SATB2: variants seen among roughly 807,000 people sequenced by gnomAD.
SATB2 encodes SATB homeobox 2.
Under a neutral mutation model 73.4 loss-of-function variants are expected in SATB2, and 1 was observed. That is an observed-to-expected ratio of 0.01 (90% CI 0.00 to 0.06). The LOEUF is 0.06. Among genes scored for constraint, SATB2 ranks in the 10% least tolerant of loss-of-function variants. The probability of loss-of-function intolerance (pLI) is 1.00; values close to 1 mark genes in which losing one functional copy is unlikely to be tolerated. For missense variants in SATB2, 459 were observed against 945.8 expected (o/e 0.49, Z 6.75); for synonymous variants, 397 against 367.0 (o/e 1.08, Z -0.93).
chr2:199,298,020 C>G (rs1419330087), intron 10 of SATB2, among the ~76,000 whole-genome samples: 2 of 152,134 alleles, frequency 1.3e-5, no homozygotes, highest in African/African-American at 4.8e-5. Flanking sequence ...TACATGCAAA[C>G]AATAGAGGCC....
chr2:199,338,831 C>T (rs548562559), intron 7 of SATB2, among the ~76,000 whole-genome samples: 19 of 150,272 alleles, frequency 1.3e-4, no homozygotes, highest in Admixed American at 4.0e-4. Context: ...GTGGGAGAAT[C>T]GCTTGAACCT....
chr2:199,367,690 C>T (rs1345506615), intron 6 of SATB2, among the ~76,000 whole-genome samples: 2 of 152,100 alleles, frequency 1.3e-5, no homozygotes, highest in Non-Finnish European at 2.9e-5. Context: ...ATAAATATGT[C>T]ATACTTATGC....
At chr2:199,460,391 G>C (rs1056354219), upstream of SATB2, 2 of 152,344 alleles carry the variant, frequency 1.3e-5, no homozygotes, top group Non-Finnish European at 2.9e-5. The surrounding 1 kb of genome is among the most constrained non-coding windows in gnomAD (Gnocchi z 4.0). Context: ...TTACAACATG[G>C]GGAAAGGCGT....
At chr2:199,404,406 T>C (rs1362301939) in intron 3 of SATB2, among the ~76,000 whole-genome samples, 2 of 152,198 alleles carry the variant, frequency 1.3e-5, no homozygotes, top group Non-Finnish European at 2.9e-5. Context: ...GATTACTTAC[T>C]GTAATTAAAA....
At chr2:199,411,759 A>G (rs1690826841) in intron 3 of SATB2, among the ~76,000 whole-genome samples, 2 of 152,232 alleles carry the variant, frequency 1.3e-5, no homozygotes, top group African/African-American at 4.8e-5. Context: ...CTCACAGAAC[A>G]GGGAGAAAAG....
chr2:199,315,782 G>C (rs1403151717), intron 9 of SATB2, among the ~76,000 whole-genome samples: 3 of 152,084 alleles, frequency 2.0e-5, no homozygotes, highest in African/African-American at 7.3e-5. Flanking sequence ...GAATAAAGCT[G>C]TATATGCTCC....
At chr2:199,305,133 G>A (rs1687393337) in intron 10 of SATB2, among the ~76,000 whole-genome samples, 1 of 152,222 alleles carries the variant, frequency 6.6e-6, no homozygotes, top group Admixed American at 6.5e-5. Context: ...CCTGACAGGA[G>A]AGATGCCTCA....
At chr2:199,381,850 C>T (rs775331629) in intron 3 of SATB2, 30 bp from the exon 4 acceptor site, 4 of 1,611,858 alleles carry the variant, frequency 2.5e-6, no homozygotes, top group African/African-American at 1.3e-5. Context: ...ATAATAAACA[C>T]ATATCTGCTA....
At chr2:199,300,375 CAA>C (rs754863048) in intron 10 of SATB2, among the ~76,000 whole-genome samples, 32 of 104,600 alleles carry the variant, frequency 3.1e-4, no homozygotes, top group Non-Finnish European at 3.5e-4. Flanking sequence ...ACCAAAATGT[CAA>C]AAAAAAAAAA....
chr2:199,325,513 T>A (rs1688005158), intron 8 of SATB2: 1 of 152,210 alleles, frequency 6.6e-6, no homozygotes, highest in African/African-American at 2.4e-5. Context: ...CCATTAAAAA[T>A]TCAATTATCT....
intron 3 of SATB2, among the ~76,000 whole-genome samples, chr2:199,411,101 T>C (rs947920248): frequency 2.6e-5 from 4 of 152,068 alleles, no homozygotes; most frequent in African/African-American, 7.2e-5. Flanking sequence ...ATGTATCAAA[T>C]ACAAATCACA....
intron 9 of SATB2, among the ~76,000 whole-genome samples, chr2:199,318,774 AAATT>A (rs1263862130): frequency 3.3e-5 from 5 of 151,422 alleles, no homozygotes; most frequent in East Asian, 3.9e-4. Flanking sequence ...GCAAAAACAA[AAATT>A]AATTACTCTC....
chr2:199,402,599 A>C (rs1028947764), intron 3 of SATB2, among the ~76,000 whole-genome samples: 1 of 152,194 alleles, frequency 6.6e-6, no homozygotes, highest in Non-Finnish European at 1.5e-5. Flanking sequence ...TATCACTGAG[A>C]TCCTTGGCAT....
At chr2:199,454,953 AG>A (rs1315331033) in intron 2 of SATB2, among the ~76,000 whole-genome samples, 3 of 152,224 alleles carry the variant, frequency 2.0e-5, no homozygotes, top group Non-Finnish European at 4.4e-5. Context: ...AAAACGTTAG[AG>A]GCAAAAAAAA....
Position 199,272,688 on chromosome 2 carries a change from GA to G in SATB2, c.1741-17del, listed in dbSNP as rs777993499. ...TATGAAGTACCTGATAATTAAGAGA[GA>G]AAAAAATGAACACTGGACTCATGAT... On this transcript the variant is annotated splice_polypyrimidine_tract_variant and intron_variant, in intron 10 of 10. Coordinates refer to ENST00000417098, the MANE Select transcript of SATB2 (RefSeq NM_001172509.2). This position sits in a 1 kb window ranked among gnomAD's most constrained non-coding sequence, Gnocchi z 6.7. The G allele has an allele frequency of 1.9e-6, 3 of 1,605,350 alleles. No individual in the cohort carries two copies. The highest frequency in any genetic ancestry group is 2.7e-5 in the African/African-American group (2 of 74,690).
intron 3 of SATB2, among the ~76,000 whole-genome samples, chr2:199,401,266 G>A (rs1280891693): frequency 2.0e-5 from 3 of 152,066 alleles, no homozygotes; most frequent in Non-Finnish European, 4.4e-5. Context: ...AATAGGATGA[G>A]GCTGGGAACG....
At chr2:199,378,944 A>C (rs1486550966) in intron 5 of SATB2, among the ~76,000 whole-genome samples, 1 of 152,190 alleles carries the variant, frequency 6.6e-6, no homozygotes, top group African/African-American at 2.4e-5. Context: ...TAGCCTTCCT[A>C]TCTTCCAGAG....
At chr2:199,370,946 C>CAAAAAAAAAAAAAAAA (rs67348909) in intron 5 of SATB2, among the ~76,000 whole-genome samples, 3 of 69,566 alleles carry the variant, frequency 4.3e-5, no homozygotes, top group Non-Finnish European at 6.2e-5. Flanking sequence ...ATGAACTGAG[C>CAAAAAAAAAAAAAAAA]AAAAAAAAAA....
intron 9 of SATB2, among the ~76,000 whole-genome samples, chr2:199,311,204 A>G (rs1271133517): frequency 6.6e-6 from 1 of 152,162 alleles, no homozygotes. Context: ...GCACCAGAGA[A>G]CTTCCTCAAA....
Sources: allele counts gnomAD v4.1 joint callset (sites outside exome capture counted in the v4.1 genomes callset), GRCh38; gene constraint gnomAD v4.1.1; non-coding constraint Gnocchi (gnomAD v3.1); transcripts MANE v1.5; gene names NCBI Gene and HGNC (gene_info 2026-07-23, HGNC 2026-07-21).